RNF169: variants seen among roughly 807,000 people sequenced by gnomAD.
RNF169 encodes the protein E3 ubiquitin-protein ligase RNF169.
RNF169 carries 24 observed loss-of-function variants against 53.9 expected under a neutral mutation model. That is an observed-to-expected ratio of 0.45 (90% CI 0.32 to 0.63). The LOEUF (loss-of-function observed/expected upper bound fraction) is 0.63. Among genes scored for constraint, RNF169 ranks in the 20% least tolerant of loss-of-function variants. The pLI is 0.04. For synonymous variants in RNF169, 396 were observed against 363.5 expected, an observed-to-expected ratio of 1.09 and a Z score of -1.02; for missense variants, 883 against 906.2, an observed-to-expected ratio of 0.97 and a Z score of 0.33.
At chr11:74,765,825 A>C (rs1145677) in intron 1 of RNF169, among the ~76,000 whole-genome samples, 1 of 151,778 alleles carries the variant, frequency 6.6e-6, no homozygotes, top group Non-Finnish European at 1.5e-5. Flanking sequence ...AAAAACAAAA[A>C]CAAAAACAAA....
intron 1 of RNF169, among the ~76,000 whole-genome samples, chr11:74,771,824 A>T (rs1203653441): frequency 6.6e-6 from 1 of 152,074 alleles, no homozygotes. Context: ...AGGCCGAGGT[A>T]GGAGGATTGC....
At position 74,820,645 on chromosome 11, in the gene RNF169, ACAAGT is replaced by A. The variant is rs756694900; in HGVS notation, c.842+2937_842+2941del. 4.7e-4 allele frequency among the ~76,000 whole-genome samples: 72 copies of A among 152,242 alleles called. 2 individuals are homozygous for A. The highest frequency in any genetic ancestry group is 2.1e-3 in the Admixed American group (32 of 15,282). On this transcript the variant is annotated intron_variant, in intron 4 of 5. Coordinates refer to ENST00000299563, the MANE Select transcript of RNF169 (RefSeq NM_001098638.2). ...TTTGGGGAGGGATTCAGGAATTGGA[ACAAGT>A]CAAGTGTTTACCAGCCTGCTTATTA... is the stretch of plus-strand genomic sequence containing the variant.
chr11:74,762,310 A>G (rs1453980283), intron 1 of RNF169, among the ~76,000 whole-genome samples: 3 of 151,682 alleles, frequency 2.0e-5, no homozygotes, highest in African/African-American at 7.3e-5. Context: ...AGCTCGTCAA[A>G]ATCATTCTCC....
intron 1 of RNF169, among the ~76,000 whole-genome samples, chr11:74,777,980 C>G (rs2035361746): frequency 6.6e-6 from 1 of 152,116 alleles, no homozygotes; most frequent in African/African-American, 2.4e-5. Context: ...AAACTACGGT[C>G]AGCAGGCCAG....
intron 3 of RNF169, among the ~76,000 whole-genome samples, chr11:74,815,211 G>T (rs1248784367): frequency 1.3e-5 from 2 of 152,170 alleles, no homozygotes; most frequent in African/African-American, 4.8e-5. Flanking sequence ...GAGAGCTTTT[G>T]TCTGAACAAT....
intron 4 of RNF169, among the ~76,000 whole-genome samples, chr11:74,824,995 T>C (rs551004183): frequency 6.6e-6 from 1 of 152,106 alleles, no homozygotes; most frequent in South Asian, 2.1e-4. Flanking sequence ...CAGAAATAGG[T>C]TGATAGTGAA....
chr11:74,760,418 G>C (rs949236064), intron 1 of RNF169, among the ~76,000 whole-genome samples: 34 of 151,728 alleles, frequency 2.2e-4, no homozygotes, highest in African/African-American at 7.8e-4. Flanking sequence ...GTCAATTTTG[G>C]ATCTTTCCTG....
chr11:74,760,874 TTC>T, intron 1 of RNF169, among the ~76,000 whole-genome samples: 1 of 28,724 alleles, frequency 3.5e-5, no homozygotes, highest in African/African-American at 1.4e-4. Flanking sequence ...CTTGTTGACT[TTC>T]TGTCTCGTTG....
intron 1 of RNF169, among the ~76,000 whole-genome samples, chr11:74,779,338 G>A (rs185208033): frequency 7.2e-5 from 11 of 152,120 alleles, no homozygotes; most frequent in East Asian, 5.8e-4. Context: ...AGTAATCGGT[G>A]GTGTAAATTA....
chr11:74,780,374 C>T (rs1031344176), intron 1 of RNF169, among the ~76,000 whole-genome samples: 1 of 152,292 alleles, frequency 6.6e-6, no homozygotes, highest in African/African-American at 2.4e-5. Flanking sequence ...GCCCACACAC[C>T]CTATTCCAGT....
At chr11:74,758,505 CTT>C (rs967760598) in intron 1 of RNF169, among the ~76,000 whole-genome samples, 6 of 143,854 alleles carry the variant, frequency 4.2e-5, no homozygotes, top group Admixed American at 1.4e-4. Flanking sequence ...TCCATATGAA[CTT>C]TTTTTTTTTT....
intron 1 of RNF169, among the ~76,000 whole-genome samples, chr11:74,755,531 G>A (rs377359209): frequency 1.1e-4 from 17 of 152,316 alleles, no homozygotes; most frequent in African/African-American, 3.4e-4. Context: ...ATAAGACATG[G>A]TACCTTTTCT....
chr11:74,830,364 G>A (rs1410359514), intron 4 of RNF169, among the ~76,000 whole-genome samples: 1 of 152,018 alleles, frequency 6.6e-6, no homozygotes, highest in East Asian at 1.9e-4. Flanking sequence ...ACAGAATTAA[G>A]AAGGATTATA....
At chr11:74,750,580 C>T (rs2034872103) in intron 1 of RNF169, among the ~76,000 whole-genome samples, 1 of 146,888 alleles carries the variant, frequency 6.8e-6, no homozygotes, top group Non-Finnish European at 1.5e-5. Context: ...CCTTGTCACT[C>T]CCCTCACCTT....
intron 1 of RNF169, among the ~76,000 whole-genome samples, chr11:74,768,438 C>T (rs962892910): frequency 2.0e-5 from 3 of 151,978 alleles, no homozygotes; most frequent in Admixed American, 1.3e-4. Context: ...GAAACCCCGT[C>T]TCTACTGAAA....
intron 1 of RNF169, among the ~76,000 whole-genome samples, chr11:74,787,885 T>C (rs1346391982): frequency 6.6e-6 from 1 of 152,232 alleles, no homozygotes; most frequent in Non-Finnish European, 1.5e-5. Flanking sequence ...TCTGGAGATT[T>C]AAACTCACCT....
chr11:74,803,067 C>T (rs2035756006), intron 2 of RNF169, among the ~76,000 whole-genome samples: 1 of 151,242 alleles, frequency 6.6e-6, no homozygotes, highest in Non-Finnish European at 1.5e-5. Context: ...ACTACAGGCG[C>T]CCACCACCAT....
At position 74,790,915 on chromosome 11, in the gene RNF169, G is replaced by C. The variant is rs117345046; in HGVS notation, c.576+1216G>C. The stretch of plus-strand genomic sequence containing the variant: ...GGCTGCAGCTCTTCTCTCTTTTCTT[G>C]TTGCCCACAACATGGTGAGTGAGGG... On this transcript the variant is annotated intron_variant, in intron 2 of 5. Transcript: ENST00000299563. Among the ~76,000 whole-genome samples the C allele has an allele frequency of 2.0e-5, 3 of 152,348 alleles. No individual in the cohort carries two copies. In the East Asian group the frequency reaches 5.8e-4, roughly 29 times the overall value.
chr11:74,789,268 C>G (rs1216285891), intron 1 of RNF169, among the ~76,000 whole-genome samples: 1 of 151,844 alleles, frequency 6.6e-6, no homozygotes, highest in African/African-American at 2.4e-5. Flanking sequence ...GAGGGAAATG[C>G]AGGGAAAAAA....
Sources: gnomAD v4.1 joint callset for allele counts (sites outside exome capture counted in the v4.1 genomes callset) on GRCh38, gnomAD v4.1.1 for gene constraint, MANE v1.5 for transcripts, NCBI Gene and HGNC (gene_info 2026-07-23, HGNC 2026-07-21) for gene names.